Variants in ART3 observed in about 807,000 individuals in gnomAD.
ART3 encodes the protein ecto-ADP-ribosyltransferase 3.
ART3 carries 49 observed loss-of-function variants against 48.5 expected under a neutral mutation model. That is an observed-to-expected ratio of 1.01 (90% confidence interval 0.80 to 1.28). The LOEUF is 1.28. Among genes scored for constraint, ART3 ranks in the 50% most tolerant of loss-of-function variants. ART3 has a pLI of 0.00. For missense variants in ART3, 438 were observed against 454.3 expected (o/e 0.96, Z 0.33); for synonymous variants, 145 against 157.2 (o/e 0.92, Z 0.58).
chr4:76,055,185 G>T (rs867868347), intron 1 of ART3, among the ~76,000 whole-genome samples: 1 of 152,198 alleles, frequency 6.6e-6, no homozygotes, highest in South Asian at 2.1e-4. Flanking sequence ...AGTATGAGCA[G>T]TAAAAGGTGT....
chr4:76,052,258 A>AC (rs1276417300), intron 1 of ART3, among the ~76,000 whole-genome samples: 3 of 152,114 alleles, frequency 2.0e-5, no homozygotes, highest in African/African-American at 7.2e-5. Flanking sequence ...GTATTCTGCT[A>AC]ATGTAGTCTG....
At chr4:76,058,441 C>T (rs558894954) in intron 1 of ART3, among the ~76,000 whole-genome samples, 45 of 152,212 alleles carry the variant, frequency 3.0e-4, no homozygotes, top group Non-Finnish European at 5.9e-4. Context: ...GTACTGGTTG[C>T]TGTAAAGGAA....
chr4:76,088,362 G>C (rs1274956926), intron 3 of ART3, among the ~76,000 whole-genome samples: 1 of 151,886 alleles, frequency 6.6e-6, no homozygotes, highest in Non-Finnish European at 1.5e-5. Flanking sequence ...GAGTAAGAGG[G>C]CCAGGGAATA....
chr4:76,094,576 G>A lies in ART3; in HGVS notation c.782-3068G>A, dbSNP rs568024813. On this transcript the variant is annotated intron_variant, in intron 3 of 11. Transcript: ENST00000355810. The stretch of plus-strand genomic sequence containing the variant: ...TTCAGATTTTCTAGGCAGAACCAGA[G>A]ACACTTTAATCCAGGGCTCATTATT... Among the ~76,000 whole-genome samples, 203 of 152,320 alleles carry A rather than the reference G, an allele frequency of 1.3e-3. 1 individual carries two copies. The highest frequency in any genetic ancestry group is 4.7e-3 in the African/African-American group (195 of 41,564).
At chr4:76,104,503 G>A in intron 9 of ART3, 94 bp from the exon 10 acceptor site, 1 of 1,543,338 alleles carries the variant, frequency 6.5e-7, no homozygotes, top group Non-Finnish European at 8.7e-7. Context: ...TGGGGCCTTG[G>A]GTGCTTGCAT....
intron 1 of ART3, among the ~76,000 whole-genome samples, chr4:76,047,625 G>A (rs1055081036): frequency 2.0e-5 from 3 of 151,778 alleles, no homozygotes; most frequent in Non-Finnish European, 4.4e-5. Context: ...AGATGTTTAC[G>A]ACTCCAGTCC....
At chr4:76,074,300 G>A (rs867867773), upstream of ART3, among the ~76,000 whole-genome samples, 2 of 152,086 alleles carry the variant, frequency 1.3e-5, no homozygotes, top group African/African-American at 2.4e-5. Context: ...TATGTATCCC[G>A]ACTCCTGACG....
At chr4:76,045,125 C>T (rs1031303033) in intron 1 of ART3, among the ~76,000 whole-genome samples, 28 of 152,182 alleles carry the variant, frequency 1.8e-4, no homozygotes, top group Admixed American at 1.4e-3. Context: ...ATCACTATGG[C>T]GTAACCTGCC....
intron 1 of ART3, among the ~76,000 whole-genome samples, chr4:76,054,772 T>C (rs530979849): frequency 6.6e-6 from 1 of 152,310 alleles, no homozygotes; most frequent in African/African-American, 2.4e-5. Context: ...AGATCAAGGT[T>C]GCAATGAGCT....
intron 1 of ART3, among the ~76,000 whole-genome samples, chr4:76,032,974 A>G (rs1734014373): frequency 6.6e-6 from 1 of 151,916 alleles, no homozygotes; most frequent in African/African-American, 2.4e-5. Context: ...ACAATTTATT[A>G]TAAATCTATA....
At chr4:76,099,885 GA>G in intron 5 of ART3, among the ~76,000 whole-genome samples, 1 of 152,202 alleles carries the variant, frequency 6.6e-6, no homozygotes. Context: ...TCATGTTTGG[GA>G]AAATACTTCC....
intron 1 of ART3, among the ~76,000 whole-genome samples, chr4:76,046,178 A>G (rs554455358): frequency 6.6e-6 from 1 of 152,126 alleles, no homozygotes; most frequent in East Asian, 1.9e-4. Flanking sequence ...CCCTTGGGGC[A>G]AGACCATCTG....
intron 1 of ART3, among the ~76,000 whole-genome samples, chr4:76,036,478 G>T (rs1734420174): frequency 6.6e-6 from 1 of 151,678 alleles, no homozygotes; most frequent in South Asian, 2.1e-4. Flanking sequence ...TTGCTTTTCA[G>T]TCCAAACTCT....
chr4:76,054,171 T>A (rs67308118), intron 1 of ART3, among the ~76,000 whole-genome samples: 18,550 of 152,164 alleles, frequency 0.12, 1,371 homozygotes, highest in African/African-American at 0.19. Context: ...ATAGATCTGG[T>A]CGATATTATT....
chr4:76,052,837 T>C (rs547571964), intron 1 of ART3, among the ~76,000 whole-genome samples: 3 of 151,958 alleles, frequency 2.0e-5, no homozygotes, highest in South Asian at 4.2e-4. Context: ...CAAGCAATTC[T>C]CGTGCCTCAG....
At chr4:76,015,747 G>A (rs968268324) in intron 1 of ART3, among the ~76,000 whole-genome samples, 1 of 152,274 alleles carries the variant, frequency 6.6e-6, no homozygotes, top group Non-Finnish European at 1.5e-5. Context: ...TCCCACCTCA[G>A]CCTCTCGAGT....
chr4:76,082,938 G>A (rs1722793284), intron 3 of ART3, among the ~76,000 whole-genome samples: 1 of 145,120 alleles, frequency 6.9e-6, no homozygotes, highest in Non-Finnish European at 1.5e-5. Context: ...CCAAAATGTT[G>A]GTAGTGCTGA....
At chr4:76,097,732 A>G in intron 4 of ART3, 56 bp downstream of exon 4, 7 of 1,423,836 alleles carry the variant, frequency 4.9e-6, no homozygotes, top group Non-Finnish European at 6.9e-6. Flanking sequence ...GTTACTTCTC[A>G]TAGCTATGGG....
chr4:76,039,732 A>T (rs1004431814), intron 1 of ART3, among the ~76,000 whole-genome samples: 1 of 152,200 alleles, frequency 6.6e-6, no homozygotes, highest in Admixed American at 6.5e-5. Context: ...TTAAATAGGG[A>T]TTCTTAATTT....
Sources: gnomAD v4.1 joint callset for allele counts (sites outside exome capture counted in the v4.1 genomes callset) on GRCh38, gnomAD v4.1.1 for gene constraint, MANE v1.5 for transcripts, NCBI Gene and HGNC (gene_info 2026-07-23, HGNC 2026-07-21) for gene names.